Variants in JMJD1C observed in about 807,000 individuals in gnomAD.
The protein encoded by JMJD1C is jumonji domain-containing protein 1C.
Under a neutral mutation model 245.3 loss-of-function variants are expected in JMJD1C, and 31 were observed. The observed-to-expected ratio is 0.13, with a 90% CI of 0.09 to 0.17. JMJD1C has a LOEUF of 0.17. JMJD1C is among the 10% of genes least tolerant of loss of function. The probability of loss-of-function intolerance (pLI) is 1.00; values close to 1 mark genes in which losing one functional copy is unlikely to be tolerated. For missense variants in JMJD1C, 2,691 were observed against 3,000.2 expected, an observed-to-expected ratio of 0.90 and a Z score of 2.41; for synonymous variants, 1,057 against 1,017.4, an observed-to-expected ratio of 1.04 and a Z score of -0.74.
At chr10:63,450,466 T>C (rs529799755) in intron 1 of JMJD1C, among the ~76,000 whole-genome samples, 1 of 151,552 alleles carries the variant, frequency 6.6e-6, no homozygotes, top group South Asian at 2.1e-4. Flanking sequence ...AAAAGAGAAA[T>C]TAAAAAAAAA....
intron 3 of JMJD1C, among the ~76,000 whole-genome samples, chr10:63,263,197 T>C (rs545920043): frequency 6.8e-4 from 103 of 152,190 alleles, no homozygotes; most frequent in African/African-American, 2.4e-3. Context: ...ATGAAATAAA[T>C]ATTATAAACA....
intron 11 of JMJD1C, among the ~76,000 whole-genome samples, chr10:63,199,208 T>C (rs1341780313): frequency 6.6e-6 from 1 of 152,182 alleles, no homozygotes; most frequent in African/African-American, 2.4e-5. Context: ...AGAACAAGGA[T>C]GAAAATTCTT....
At chr10:63,411,574 C>CA (rs1949481408) in intron 1 of JMJD1C, among the ~76,000 whole-genome samples, 1 of 151,008 alleles carries the variant, frequency 6.6e-6, no homozygotes, top group South Asian at 2.1e-4. Flanking sequence ...GCTGGGATTA[C>CA]AGGCGTGAGC....
intron 2 of JMJD1C, among the ~76,000 whole-genome samples, chr10:63,302,574 G>A (rs1860230374): frequency 6.6e-6 from 1 of 152,186 alleles, no homozygotes; most frequent in Admixed American, 6.5e-5. Context: ...AAAAGTGAAA[G>A]ACACCTTTAC....
intron 1 of JMJD1C, among the ~76,000 whole-genome samples, chr10:63,499,272 T>C (rs547670381): frequency 4.4e-4 from 67 of 152,340 alleles, no homozygotes; most frequent in East Asian, 7.7e-4. Context: ...GTTCTCTTTT[T>C]AATTCTCTGA....
At chr10:63,248,280 G>A (rs1852525503) in intron 3 of JMJD1C, among the ~76,000 whole-genome samples, 1 of 151,908 alleles carries the variant, frequency 6.6e-6, no homozygotes, top group Middle Eastern at 3.2e-3. Context: ...GACCAACATG[G>A]TGGTCAAGTT....
intron 2 of JMJD1C, among the ~76,000 whole-genome samples, chr10:63,324,477 C>T (rs1941293114): frequency 6.6e-6 from 1 of 152,152 alleles, no homozygotes; most frequent in Non-Finnish European, 1.5e-5. Flanking sequence ...CAGATTTATA[C>T]ACATCAAACA....
In JMJD1C at chr10:63,480,772, A is replaced by G. The variant is rs1022367062; in HGVS notation, n.113+40966T>C. ...TATCACTCAGTTAAAAAAAAAATGG[A>G]AATGGCAAATGAGAAAGCCCAGGAC... is the stretch of plus-strand genomic sequence containing the variant. On this transcript the variant is annotated intron_variant and non_coding_transcript_variant, in intron 1 of 3. Transcript: ENST00000633035. 6.6e-5 allele frequency among the ~76,000 whole-genome samples: 10 copies of G among 152,010 alleles called. 1 individual carries two copies. The highest frequency in any genetic ancestry group is 2.4e-4 in the African/African-American group (10 of 41,430).
chr10:63,204,945 C>G, intron 10 of JMJD1C: 7 of 985,312 alleles, frequency 7.1e-6, no homozygotes, highest in Non-Finnish European at 8.4e-6. Context: ...CTTTGAGTGT[C>G]CACATTGTCA....
rs1262498803 is a variant in JMJD1C, at chr10:63,335,131, G to C, written c.333+45187C>G. ...GAGACACTACCTCACAGGTAATAAG[G>C]TCAGACAAAGCAGTCTGACAAAGTG... On this transcript the variant is annotated intron_variant, in intron 2 of 25. Coordinates refer to ENST00000399262, the MANE Select transcript of JMJD1C (RefSeq NM_032776.3). Among the ~76,000 whole-genome samples, 4 of 151,556 alleles carry C rather than the reference G, an allele frequency of 2.6e-5. No homozygotes were observed. In the East Asian group the frequency reaches 7.8e-4, roughly 29 times the overall value.
chr10:63,330,920 T>C (rs1942073025), intron 2 of JMJD1C, among the ~76,000 whole-genome samples: 1 of 152,176 alleles, frequency 6.6e-6, no homozygotes, highest in Non-Finnish European at 1.5e-5. Flanking sequence ...TCATCTCACA[T>C]CTCTGATATA....
chr10:63,484,737 GATT>G (rs1025424580), intron 1 of JMJD1C, among the ~76,000 whole-genome samples: 1 of 151,754 alleles, frequency 6.6e-6, no homozygotes, highest in South Asian at 2.1e-4. Context: ...ATCTAAAATT[GATT>G]ATAATAAGTA....
intron 1 of JMJD1C, among the ~76,000 whole-genome samples, chr10:63,499,357 G>A (rs1367385808): frequency 2.6e-5 from 4 of 152,202 alleles, no homozygotes; most frequent in African/African-American, 7.2e-5. Context: ...CAAGGGTTCC[G>A]ATTTCTCCAC....
At chr10:63,305,459 C>CCTCTCTCTCTCTCTCTCTCTCTCTCT (rs371564275) in intron 2 of JMJD1C, among the ~76,000 whole-genome samples, 4 of 113,022 alleles carry the variant, frequency 3.5e-5, no homozygotes, top group African/African-American at 1.0e-4. Context: ...ACGCTCTGAC[C>CCTCTCTCTCTCTCTCTCTCTCTCTCT]CTCTCTCTCT....
intron 2 of JMJD1C, among the ~76,000 whole-genome samples, chr10:63,285,809 G>A (rs1019098218): frequency 6.6e-6 from 1 of 152,194 alleles, no homozygotes; most frequent in African/African-American, 2.4e-5. Context: ...CCCTGTCTCA[G>A]AAACAAACAA....
At chr10:63,319,072 A>C (rs1940487546) in intron 2 of JMJD1C, among the ~76,000 whole-genome samples, 1 of 152,026 alleles carries the variant, frequency 6.6e-6, no homozygotes, top group Non-Finnish European at 1.5e-5. Flanking sequence ...CATCCTGACT[A>C]ACATGGTGAA....
intron 2 of JMJD1C, among the ~76,000 whole-genome samples, chr10:63,334,096 T>C (rs1368720149): frequency 2.0e-5 from 3 of 152,158 alleles, no homozygotes; most frequent in Admixed American, 6.6e-5. Flanking sequence ...CAAAATACAT[T>C]AGATGCTGAC....
In JMJD1C at chr10:63,207,617, G is replaced by C. The variant is rs768095137; in HGVS notation, c.4052C>G (p.Thr1351Ser). ...CACATTTGGCAAAATGATTCTTCCA[G>C]TTTCTCCGGCTTCTGCTAGTTTGAG... ...DCLKLAEAGE[T>S]GRIILPNVNS... is the part of the protein sequence containing the mutation. The change falls in exon 10 of 26, where the codon ACT becomes AGT. Residue 1351 changes from threonine (T) to serine (S), a missense_variant. Physicochemically the swap from Thr to Ser is moderately conservative, Grantham distance 58. Coordinates refer to ENST00000399262, the MANE Select transcript of JMJD1C (RefSeq NM_032776.3). The C allele has an allele frequency of 8.1e-6, 13 of 1,613,974 alleles. No individual in the cohort carries two copies. The highest frequency in any genetic ancestry group is 1.3e-5 in the African/African-American group (1 of 74,898).
chr10:63,458,655 C>A (rs1803750386), intron 1 of JMJD1C, among the ~76,000 whole-genome samples: 1 of 152,086 alleles, frequency 6.6e-6, no homozygotes, highest in African/African-American at 2.4e-5. Flanking sequence ...CTCATCCAAA[C>A]TCTTTCAACA....
Sources: allele counts gnomAD v4.1 joint callset (sites outside exome capture counted in the v4.1 genomes callset), GRCh38; gene constraint gnomAD v4.1.1; transcripts MANE v1.5; gene names NCBI Gene and HGNC (gene_info 2026-07-23, HGNC 2026-07-21).